SLC35E3: variants seen among roughly 807,000 people sequenced by gnomAD.
SLC35E3 encodes the protein bladder cancer-overexpressed gene 1 protein.
In SLC35E3, 28 loss-of-function variants were observed where a neutral mutation model predicts 30.8. That is an observed-to-expected ratio of 0.91 (90% CI 0.67 to 1.25). The LOEUF is 1.25. Ranked by LOEUF, SLC35E3 falls within the 50% of genes most tolerant of loss-of-function variation. The pLI, the probability that SLC35E3 is intolerant of heterozygous loss-of-function variation, is 0.00. For missense variants in SLC35E3, 365 were observed against 375.4 expected (o/e 0.97, Z 0.23); for synonymous variants, 146 against 149.2 (o/e 0.98, Z 0.16).
chr12:68,764,909 A>G lies in SLC35E3; in HGVS notation c.*19A>G. ...TCCTTAATTGGGTTTTTGTGGAGAA[A>G]AGAATGTTGTCCCAAGAAGATAAAA... On this transcript the variant is annotated 3_prime_UTR_variant, in exon 5 of 5. Transcript: ENST00000398004. 1.2e-6 allele frequency: 2 copies of G among 1,608,116 alleles called. No homozygotes were observed. Among genetic ancestry groups the G allele is most frequent in the Non-Finnish European group, 1.7e-6 (2 of 1,176,326 alleles).
chr12:68,766,230 T>G lies in SLC35E3; in HGVS notation c.*1340T>G, dbSNP rs2136081092. The G allele has an allele frequency of 6.6e-6, 1 of 152,218 alleles. No individual in the cohort carries two copies. Among genetic ancestry groups the G allele is most frequent in the African/African-American group, 2.4e-5 (1 of 41,540 alleles). The allele number at this position is 152,218 out of a possible 1,614,324, so 9.4% of individuals were successfully genotyped here. A position where few individuals can be genotyped will look rare whatever the true frequency, so the allele number is the denominator to read the frequency against. ...AGCCAATCTCAGTGGCTCACACCTG[T>G]AATCCCAGCACTTTGGAAGGTTGAG... On this transcript the variant is annotated 3_prime_UTR_variant, in exon 5 of 5. Coordinates refer to ENST00000398004, the MANE Select transcript of SLC35E3 (RefSeq NM_018656.5).
intron 3 of SLC35E3, 120 bp downstream of exon 3, chr12:68,752,310 C>A: frequency 9.6e-7 from 1 of 1,037,220 alleles, no homozygotes; most frequent in Non-Finnish European, 1.4e-6. Flanking sequence ...TCGTCATAAT[C>A]ACCATAAAAG....
At chr12:68,750,267 A>G (rs944186272) in intron 2 of SLC35E3, among the ~76,000 whole-genome samples, 4 of 152,328 alleles carry the variant, frequency 2.6e-5, no homozygotes, top group Admixed American at 2.6e-4. Context: ...GTTCCTGCAG[A>G]TTATATAAGT....
intron 3 of SLC35E3, among the ~76,000 whole-genome samples, chr12:68,758,146 G>T (rs1879097100): frequency 1.3e-5 from 2 of 151,856 alleles, no homozygotes; most frequent in Non-Finnish European, 1.5e-5. Context: ...TCTCGGCCGG[G>T]TGCAGTGGCT....
intron 3 of SLC35E3, among the ~76,000 whole-genome samples, chr12:68,757,310 C>A (rs140600765): frequency 3.0e-4 from 46 of 152,278 alleles, no homozygotes; most frequent in African/African-American, 9.9e-4. Context: ...AAGACCCTAA[C>A]AAAGTAGAGT....
At chr12:68,755,597 A>G (rs373215475) in intron 3 of SLC35E3, among the ~76,000 whole-genome samples, 1 of 152,236 alleles carries the variant, frequency 6.6e-6, no homozygotes, top group Admixed American at 6.5e-5. Flanking sequence ...TACAAGAAGC[A>G]TTAGTGCTGG....
Position 68,746,405 on chromosome 12 carries a change from G to C in SLC35E3, c.28G>C (p.Gly10Arg). The C allele has an allele frequency of 1.3e-5, 21 of 1,605,510 alleles. No homozygotes were observed. Among genetic ancestry groups the C allele is most frequent in the Non-Finnish European group, 1.8e-5 (21 of 1,175,016 alleles). The change falls in exon 1 of 5, where the codon GGC becomes CGC. Residue 10 changes from glycine to arginine, a missense_variant. By Grantham distance (125) the Gly-to-Arg change is moderately radical. Transcript: ENST00000398004. ...GGCATTGCTGGTGGACCGAGTGCGG[G>C]GCCACTGGCGAATCGCCGCCGGGCT... The part of the protein sequence containing the change: MALLVDRVR[G>R]HWRIAAGLLF...
Position 68,772,872 on chromosome 12 carries a change from C to T in SLC35E3, c.*7982C>T, listed in dbSNP as rs1421624888. On this transcript the variant is annotated 3_prime_UTR_variant, in exon 5 of 5. Coordinates refer to ENST00000398004, the MANE Select transcript of SLC35E3 (RefSeq NM_018656.5). The stretch of plus-strand genomic sequence containing the variant: ...CAATTTCTCAGTTTAAAATTAGAGC[C>T]CTATGGCAGGTGCCATGTACAGCTG... The T allele has an allele frequency of 1.3e-5, 2 of 152,102 alleles. No individual in the cohort carries two copies. Among genetic ancestry groups the T allele is most frequent in the Non-Finnish European group, 2.9e-5 (2 of 68,040 alleles). The allele number at this position is 152,102 out of a possible 1,614,324, so 9.4% of individuals were successfully genotyped here. A position where few individuals can be genotyped will look rare whatever the true frequency, so the allele number is the denominator to read the frequency against.
Position 68,772,457 on chromosome 12 carries a change from GATAGGA to G in SLC35E3, c.*7568_*7573del, listed in dbSNP as rs1030276790. On this transcript the variant is annotated 3_prime_UTR_variant, in exon 5 of 5. Transcript: ENST00000398004. ...ATCATATTACTTTCTTATATTAGAA[GATAGGA>G]TTTCTTCTGATGTATCGAAGTTACT... 1 of 152,146 alleles carries G rather than the reference GATAGGA, an allele frequency of 6.6e-6. No individual in the cohort carries two copies. The highest frequency in any genetic ancestry group is 2.4e-5 in the African/African-American group (1 of 41,430). 9.4% of individuals were successfully genotyped at this position (152,146 alleles called of 1,614,324 possible).
In SLC35E3 at chr12:68,746,541, G is replaced by C; in HGVS notation, c.164G>C (p.Trp55Ser). 2 of 1,614,234 alleles carry C rather than the reference G, an allele frequency of 1.2e-6. No individual in the cohort carries two copies. Residue 55 changes from tryptophan (W) to serine (S), a missense_variant, in exon 1 of 5, where the codon TGG (tryptophan) becomes TCG (serine). Transcript: ENST00000398004. Reference sequence around the variant, plus strand: ...ACCCTGGTGCACTTCGTGGTCACCTGGCTGGGCTTGTATATCTGCCAGAAG... The same window carrying C: ...ACCCTGGTGCACTTCGTGGTCACCTCGCTGGGCTTGTATATCTGCCAGAAG... ...SLTLVHFVVT[W>S]LGLYICQKLD... is the part of the protein sequence containing the mutation.
Position 68,776,078 on chromosome 12 carries a change from A to G in SLC35E3, c.*11188A>G, listed in dbSNP as rs2136087702. The G allele has an allele frequency of 6.7e-6, 1 of 149,432 alleles. No individual in the cohort carries two copies. The highest frequency in any genetic ancestry group is 2.1e-4 in the South Asian group (1 of 4,708). 9.3% of individuals were successfully genotyped at this position (149,432 alleles called of 1,614,324 possible). On this transcript the variant is annotated 3_prime_UTR_variant, in exon 5 of 5. Coordinates refer to ENST00000398004, the MANE Select transcript of SLC35E3 (RefSeq NM_018656.5). ...GGAGTTGGAGACCAGCCTGGCCAACATGGTGAAACCCCGTTTCTACCAAAA... is the reference window on the plus strand; with the variant it reads ...GGAGTTGGAGACCAGCCTGGCCAACGTGGTGAAACCCCGTTTCTACCAAAA...
chr12:68,767,774 CT>C lies in SLC35E3; in HGVS notation c.*2887del, dbSNP rs1879481176. 6.6e-6 allele frequency: 1 copy of C among 151,916 alleles called. No homozygotes were observed. Among genetic ancestry groups the C allele is most frequent in the Non-Finnish European group, 1.5e-5 (1 of 68,006 alleles). The allele number at this position is 151,916 out of a possible 1,614,324, so 9.4% of individuals were successfully genotyped here. On this transcript the variant is annotated 3_prime_UTR_variant, in exon 5 of 5. Coordinates refer to ENST00000398004, the MANE Select transcript of SLC35E3 (RefSeq NM_018656.5). ...GGCTTCCTTCTTTGTTTTAAATATT[CT>C]TTGGTTCTTCTCATTTTACAAAGAT...
chr12:68,747,494 C>T (rs1244577815), intron 1 of SLC35E3, among the ~76,000 whole-genome samples: 1 of 152,166 alleles, frequency 6.6e-6, no homozygotes, highest in Non-Finnish European at 1.5e-5. Context: ...GTCTCGAACT[C>T]TGACCTCAGG....
chr12:68,770,089 C>G lies in SLC35E3; in HGVS notation c.*5199C>G, dbSNP rs1320953766. On this transcript the variant is annotated 3_prime_UTR_variant, in exon 5 of 5. Coordinates refer to ENST00000398004, the MANE Select transcript of SLC35E3 (RefSeq NM_018656.5). ...GCAGTCATAGATACATAGAAGTTAG[C>G]TAGCTAGGCAGAGGGAGGGTATTGC... 1 of 152,056 alleles carries G rather than the reference C, an allele frequency of 6.6e-6. No homozygotes were observed. The highest frequency in any genetic ancestry group is 1.5e-5 in the Non-Finnish European group (1 of 67,930). 9.4% of individuals were successfully genotyped at this position (152,056 alleles called of 1,614,324 possible). A position where few individuals can be genotyped will look rare whatever the true frequency, so the allele number is the denominator to read the frequency against.
Position 68,766,884 on chromosome 12 carries a change from C to T in SLC35E3, c.*1994C>T, listed in dbSNP as rs145744869. 162 of 371,864 alleles carry T rather than the reference C, an allele frequency of 4.4e-4. No homozygotes were observed. Among genetic ancestry groups the T allele is most frequent in the African/African-American group, 3.3e-3 (155 of 47,604 alleles). The allele number at this position is 371,864 out of a possible 1,614,324, so 23.0% of individuals were successfully genotyped here. On this transcript the variant is annotated 3_prime_UTR_variant, in exon 5 of 5. Transcript: ENST00000398004. ...ACAGGCCTGAGCCACCACACCTGGC[C>T]AGTAATTTCTTAATCCTACCTCCCT... is the stretch of plus-strand genomic sequence containing the variant.
chr12:68,775,925 G>GTGACAAGAGCGA lies in SLC35E3; in HGVS notation c.*11036_*11047dup, dbSNP rs1879727435. On this transcript the variant is annotated 3_prime_UTR_variant, in exon 5 of 5. Transcript: ENST00000398004. ...ATCACACTATTACACTCCAGCCTGG[G>GTGACAAGAGCGA]TGACAAGAGCGAAACTCTGTCTCAA... 1 of 118,652 alleles carries GTGACAAGAGCGA rather than the reference G, an allele frequency of 8.4e-6. No individual in the cohort carries two copies. The highest frequency in any genetic ancestry group is 2.8e-4 in the East Asian group (1 of 3,530). 7.3% of individuals were successfully genotyped at this position (118,652 alleles called of 1,614,324 possible).
Position 68,767,407 on chromosome 12 carries a change from C to T in SLC35E3, c.*2517C>T, listed in dbSNP as rs1879461993. 1 of 151,598 alleles carries T rather than the reference C, an allele frequency of 6.6e-6. No individual in the cohort carries two copies. Among genetic ancestry groups the T allele is most frequent in the African/African-American group, 2.4e-5 (1 of 41,238 alleles). The allele number at this position is 151,598 out of a possible 1,614,324, so 9.4% of individuals were successfully genotyped here. A position where few individuals can be genotyped will look rare whatever the true frequency, so the allele number is the denominator to read the frequency against. ...TGGCACGTGCCTGTAGCTCCATCTA[C>T]TCAGGAGGCTGAGGTGGGAGGATTG... is the stretch of plus-strand genomic sequence containing the variant. On this transcript the variant is annotated 3_prime_UTR_variant, in exon 5 of 5. Transcript: ENST00000398004.
chr12:68,748,153 G>A (rs529357726), intron 2 of SLC35E3, 113 bp downstream of exon 2: 1 of 629,096 alleles, frequency 1.6e-6, no homozygotes, highest in East Asian at 2.7e-5. Flanking sequence ...TGGGAAGAAA[G>A]CATAATTGCA....
intron 3 of SLC35E3, among the ~76,000 whole-genome samples, chr12:68,758,810 C>T (rs111999768): frequency 0.29 from 37,990 of 131,692 alleles, 5,410 homozygotes; most frequent in Middle Eastern, 0.48. Context: ...GGCGTGATCT[C>T]GGCTCACTGC....
Sources: gnomAD v4.1 joint callset for allele counts (sites outside exome capture counted in the v4.1 genomes callset) on GRCh38, gnomAD v4.1.1 for gene constraint, MANE v1.5 for transcripts, NCBI Gene and HGNC (gene_info 2026-07-23, HGNC 2026-07-21) for gene names.